The following ANKRD13A variants were observed in gnomAD, a reference collection of about 807,000 sequenced individuals.
The protein encoded by ANKRD13A is ankyrin repeat domain 13A, also known as ankyrin repeat domain-containing protein 13A.
ANKRD13A carries 48 observed loss-of-function variants against 81.3 expected under a neutral mutation model. The observed-to-expected ratio is 0.59, with a 90% CI of 0.47 to 0.75. ANKRD13A has a LOEUF of 0.75. Ranked by LOEUF, ANKRD13A falls within the 30% of genes least tolerant of loss-of-function variation. The pLI, the probability that ANKRD13A is intolerant of heterozygous loss-of-function variation, is 0.00. For missense variants in ANKRD13A, 612 were observed against 734.0 expected, an observed-to-expected ratio of 0.83 and a Z score of 1.92; for synonymous variants, 230 against 270.1, an observed-to-expected ratio of 0.85 and a Z score of 1.45.
Position 110,036,245 on chromosome 12 carries a change from C to T in ANKRD13A, c.1510-16C>T, listed in dbSNP as rs773564873. The T allele has an allele frequency of 1.9e-6, 3 of 1,612,958 alleles. No homozygotes were observed. The highest frequency in any genetic ancestry group is 3.3e-5 in the Admixed American group (2 of 60,018). ...TCCTAAGACGTATTCATGTCTATCA[C>T]ATTTGTCTTTGCCAGGAACTTTCAG... On this transcript the variant is annotated splice_polypyrimidine_tract_variant and intron_variant, in intron 13 of 14. Transcript: ENST00000261739. The surrounding 1 kb of genome is among the most constrained non-coding windows in gnomAD (Gnocchi z 4.6).
At chr12:110,016,268 T>G in intron 3 of ANKRD13A, 120 bp from the exon 4 acceptor site, 4 of 770,688 alleles carry the variant, frequency 5.2e-6, no homozygotes, top group Non-Finnish European at 7.7e-6. Flanking sequence ...ATTTTATTTC[T>G]TCTTATTTTC....
At chr12:110,029,785 G>C (rs1891568429) in intron 11 of ANKRD13A, 150 bp downstream of exon 11, 1 of 850,190 alleles carries the variant, frequency 1.2e-6, no homozygotes, top group African/African-American at 1.7e-5. Context: ...TTCTCCTGTG[G>C]TTTGATTTAA....
At chr12:110,007,475 G>A (rs1890297321) in intron 1 of ANKRD13A, among the ~76,000 whole-genome samples, 1 of 152,114 alleles carries the variant, frequency 6.6e-6, no homozygotes, top group Admixed American at 6.5e-5. Context: ...CCGTCTCCCA[G>A]GTTCAAGCGA....
At chr12:110,011,108 G>GA (rs11352479) in intron 1 of ANKRD13A, among the ~76,000 whole-genome samples, 97 of 126,680 alleles carry the variant, frequency 7.7e-4, no homozygotes, top group Admixed American at 1.2e-3. Context: ...TTGTTTAAAA[G>GA]AAAAAAAAAA....
At position 110,033,780 on chromosome 12, in the gene ANKRD13A, G is replaced by GT. The variant is rs761646363; in HGVS notation, c.1349-15dup. 5.0e-6 allele frequency: 8 copies of GT among 1,585,170 alleles called. No individual in the cohort carries two copies. In the South Asian group the frequency reaches 8.0e-5, roughly 16 times the overall value. ...ATGTAATGAACTCAGACACTGGACG[G>GT]TTGCCTTTTGTTTCAGCTTCCCACA... On this transcript the variant is annotated splice_polypyrimidine_tract_variant and intron_variant, in intron 12 of 14. Coordinates refer to ENST00000261739, the MANE Select transcript of ANKRD13A (RefSeq NM_033121.2).
At chr12:110,029,260 G>A (rs925188974) in intron 10 of ANKRD13A, 16 of 432,984 alleles carry the variant, frequency 3.7e-5, no homozygotes, top group African/African-American at 3.0e-4. Flanking sequence ...TTTGATCGTG[G>A]CAGGTTGTCA....
At chr12:110,029,238 G>A (rs1227271845) in intron 10 of ANKRD13A, 2 of 378,968 alleles carry the variant, frequency 5.3e-6, no homozygotes, top group Non-Finnish European at 9.5e-6. Context: ...CATGCTTGCT[G>A]TCAATTAAGG....
intron 3 of ANKRD13A, among the ~76,000 whole-genome samples, chr12:110,015,075 C>T (rs895631354): frequency 2.6e-5 from 4 of 152,064 alleles, no homozygotes; most frequent in African/African-American, 7.2e-5. Flanking sequence ...TGCGCCCGGC[C>T]GCATTTCTCT....
intron 14 of ANKRD13A, 122 bp from the exon 15 acceptor site, chr12:110,037,237 C>T (rs1055278367): frequency 4.1e-6 from 4 of 964,982 alleles, no homozygotes; most frequent in Admixed American, 4.5e-5. Flanking sequence ...GATTAATTGG[C>T]ATCATGCATA....
At chr12:110,004,171 AT>A (rs915464678) in intron 1 of ANKRD13A, among the ~76,000 whole-genome samples, 10 of 152,020 alleles carry the variant, frequency 6.6e-5, no homozygotes, top group African/African-American at 1.2e-4. Flanking sequence ...AAAAAAATAA[AT>A]TTTTTTTAAG....
intron 12 of ANKRD13A, among the ~76,000 whole-genome samples, chr12:110,031,597 C>G (rs1593229326): frequency 6.6e-6 from 1 of 152,254 alleles, no homozygotes; most frequent in East Asian, 1.9e-4. Context: ...GTGATCCACC[C>G]AGCTCGGCCT....
At chr12:110,003,254 G>C (rs1345784271) in intron 1 of ANKRD13A, among the ~76,000 whole-genome samples, 1 of 152,180 alleles carries the variant, frequency 6.6e-6, no homozygotes, top group Non-Finnish European at 1.5e-5. Flanking sequence ...CCCTGTTTAG[G>C]AAGCCAGCAG....
chr12:110,021,200 C>G (rs1277411305), intron 6 of ANKRD13A: 1 of 455,220 alleles, frequency 2.2e-6, no homozygotes, highest in Non-Finnish European at 4.4e-6. Context: ...TTTAATGGTG[C>G]TCAGAATTAA....
chr12:110,001,574 G>A (rs1001634479), intron 1 of ANKRD13A, among the ~76,000 whole-genome samples: 2 of 151,756 alleles, frequency 1.3e-5, no homozygotes, highest in Admixed American at 6.6e-5. Context: ...TCAGTAGCTG[G>A]GATTACAGGC....
At chr12:110,030,550 C>A in intron 11 of ANKRD13A, 95 bp from the exon 12 acceptor site, 1 of 595,404 alleles carries the variant, frequency 1.7e-6, no homozygotes, top group Non-Finnish European at 2.7e-6. Context: ...TTATACTTAT[C>A]AAAGTACTTG....
intron 6 of ANKRD13A, 84 bp downstream of exon 6, chr12:110,019,412 G>A (rs1340419985): frequency 7.6e-7 from 1 of 1,310,638 alleles, no homozygotes; most frequent in African/African-American, 1.5e-5. Flanking sequence ...GTAAATTATG[G>A]ATGGATTGGG....
intron 1 of ANKRD13A, among the ~76,000 whole-genome samples, chr12:110,004,612 C>A (rs60325242): frequency 6.6e-6 from 1 of 152,092 alleles, no homozygotes; most frequent in African/African-American, 2.4e-5. Flanking sequence ...GCCTGGGCAA[C>A]AAGAGGGAGA....
chr12:110,026,411 TA>T (rs1296447404), intron 8 of ANKRD13A, among the ~76,000 whole-genome samples: 15 of 148,788 alleles, frequency 1.0e-4, no homozygotes, highest in South Asian at 8.6e-4. Flanking sequence ...CCATCTGTGC[TA>T]AAAAAAAATA....
chr12:109,999,651 G>T lies in ANKRD13A; in HGVS notation c.-38G>T, dbSNP rs761660891. The T allele has an allele frequency of 2.0e-6, 3 of 1,489,402 alleles. No homozygotes were observed. Among genetic ancestry groups the T allele is most frequent in the Non-Finnish European group, 2.7e-6 (3 of 1,112,614 alleles). 92.3% of individuals were successfully genotyped at this position (1,489,402 alleles called of 1,614,324 possible). ...GGAGACCCCGCCGGGGCCGAGACTT[G>T]GGGCGGGCGACGAGGACCAGGTTAC... On this transcript the variant is annotated 5_prime_UTR_variant, in exon 1 of 15. Transcript: ENST00000261739. This position sits in a 1 kb window ranked among gnomAD's most constrained non-coding sequence, Gnocchi z 4.3.
Sources: gnomAD v4.1 joint callset for allele counts (sites outside exome capture counted in the v4.1 genomes callset) on GRCh38, gnomAD v4.1.1 for gene constraint, Gnocchi (gnomAD v3.1) non-coding constraint, MANE v1.5 for transcripts, NCBI Gene and HGNC (gene_info 2026-07-23, HGNC 2026-07-21) for gene names.